CSGALNACT1: variants seen among roughly 807,000 people sequenced by gnomAD.
CSGALNACT1 encodes beta4GalNAcT-1.
In CSGALNACT1, 52 loss-of-function variants were observed where a neutral mutation model predicts 51.0. The ratio of observed to expected loss-of-function variants is 1.02; its 90% CI spans 0.82 to 1.29. The LOEUF is 1.29. Ranked by LOEUF, CSGALNACT1 falls within the 50% of genes most tolerant of loss-of-function variation. The pLI, the probability that CSGALNACT1 is intolerant of heterozygous loss-of-function variation, is 0.00. For missense variants in CSGALNACT1, 935 were observed against 679.2 expected (o/e 1.38, Z -4.19); for synonymous variants, 341 against 254.4 (o/e 1.34, Z -3.24).
At chr8:19,600,877 T>A (rs1464882816) in intron 2 of CSGALNACT1, among the ~76,000 whole-genome samples, 1 of 151,832 alleles carries the variant, frequency 6.6e-6, no homozygotes, top group African/African-American at 2.4e-5. Flanking sequence ...TAGACATTTG[T>A]TAAATGAAGG....
At chr8:19,632,307 C>T (rs999183283) in intron 1 of CSGALNACT1, among the ~76,000 whole-genome samples, 15 of 152,336 alleles carry the variant, frequency 9.8e-5, no homozygotes, top group African/African-American at 3.6e-4. Flanking sequence ...ATTTTACATT[C>T]CAATCCTTAA....
At chr8:19,583,695 C>T (rs969207880) in intron 3 of CSGALNACT1, among the ~76,000 whole-genome samples, 2 of 152,194 alleles carry the variant, frequency 1.3e-5, no homozygotes, top group African/African-American at 4.8e-5. Context: ...CAGGATTATG[C>T]TCATTTTCAA....
intron 1 of CSGALNACT1, among the ~76,000 whole-genome samples, chr8:19,749,367 G>T (rs1308610748): frequency 6.7e-6 from 1 of 149,704 alleles, no homozygotes; most frequent in African/African-American, 2.5e-5. Flanking sequence ...AAAAAAAAAA[G>T]CCTGAATCAA....
chr8:19,730,546 A>G (rs2063634644), intron 1 of CSGALNACT1, among the ~76,000 whole-genome samples: 1 of 152,170 alleles, frequency 6.6e-6, no homozygotes, highest in Non-Finnish European at 1.5e-5. Context: ...GGATAAGCAA[A>G]AAAGTATGTA....
chr8:19,523,643 T>A (rs1360520737), intron 3 of CSGALNACT1, among the ~76,000 whole-genome samples: 1 of 152,114 alleles, frequency 6.6e-6, no homozygotes, highest in African/African-American at 2.4e-5. Context: ...ATTCAGTAAA[T>A]AATGTTATAA....
At chr8:19,514,879 G>C (rs889738974) in intron 3 of CSGALNACT1, among the ~76,000 whole-genome samples, 1 of 151,978 alleles carries the variant, frequency 6.6e-6, no homozygotes, top group Non-Finnish European at 1.5e-5. Flanking sequence ...TTATAATGTA[G>C]TATTATGTAT....
At position 19,667,149 on chromosome 8, in the gene CSGALNACT1, A is replaced by G. The variant is rs548609503; in HGVS notation, c.-544+15324T>C. 4.3e-3 allele frequency among the ~76,000 whole-genome samples: 646 copies of G among 151,938 alleles called. 6 individuals are homozygous for G. The highest frequency in any genetic ancestry group is 7.2e-3 in the Non-Finnish European group (488 of 67,928). On this transcript the variant is annotated intron_variant, in intron 1 of 9. Transcript: ENST00000332246. ...AAAAGACATAATTTCAGCCAGGTGC[A>G]CAGGCTCATGCCTGTAATCCCAGCA...
chr8:19,589,353 T>C (rs2047321357), intron 3 of CSGALNACT1, among the ~76,000 whole-genome samples: 2 of 152,112 alleles, frequency 1.3e-5, no homozygotes, highest in Non-Finnish European at 2.9e-5. Context: ...TGAGATGGAG[T>C]CTTGCTTTGT....
intron 4 of CSGALNACT1, among the ~76,000 whole-genome samples, chr8:19,502,323 T>C (rs2076559039): frequency 6.6e-6 from 1 of 152,152 alleles, no homozygotes; most frequent in African/African-American, 2.4e-5. Context: ...AGAGAACATA[T>C]ATGTTCAGTC....
chr8:19,606,960 C>T (rs999027128), upstream of CSGALNACT1, among the ~76,000 whole-genome samples: 16 of 152,030 alleles, frequency 1.1e-4, no homozygotes, highest in Non-Finnish European at 1.6e-4. Flanking sequence ...TCGAGATCAT[C>T]CTGGCTAATA....
At chr8:19,496,217 G>T (rs2075416829) in intron 4 of CSGALNACT1, among the ~76,000 whole-genome samples, 1 of 152,156 alleles carries the variant, frequency 6.6e-6, no homozygotes, top group Admixed American at 6.5e-5. Context: ...TATGTATCTG[G>T]TAAAAGATAG....
intron 3 of CSGALNACT1, among the ~76,000 whole-genome samples, chr8:19,521,321 G>A (rs546787062): frequency 1.3e-5 from 2 of 152,198 alleles, no homozygotes; most frequent in South Asian, 4.2e-4. Context: ...CTTAAACCCA[G>A]GCTACAGCAC....
intron 3 of CSGALNACT1, among the ~76,000 whole-genome samples, chr8:19,543,493 G>T (rs1288917052): frequency 6.6e-6 from 1 of 152,172 alleles, no homozygotes; most frequent in Non-Finnish European, 1.5e-5. Context: ...TTTACAGTGA[G>T]CCCCTACTTT....
intron 3 of CSGALNACT1, among the ~76,000 whole-genome samples, chr8:19,509,052 T>C (rs1228481479): frequency 6.6e-6 from 1 of 152,174 alleles, no homozygotes; most frequent in African/African-American, 2.4e-5. Context: ...CAAAAAGTCA[T>C]AAGAACTGCT....
At chr8:19,528,682 G>C (rs555991109) in intron 3 of CSGALNACT1, among the ~76,000 whole-genome samples, 1 of 152,082 alleles carries the variant, frequency 6.6e-6, no homozygotes. Context: ...TGTATGATGG[G>C]TTCTCCCTCA....
intron 6 of CSGALNACT1, among the ~76,000 whole-genome samples, chr8:19,439,079 T>A (rs1400744841): frequency 6.6e-6 from 1 of 152,204 alleles, no homozygotes; most frequent in African/African-American, 2.4e-5. Flanking sequence ...CCTGCAAACC[T>A]CCAGGGCAAA....
At chr8:19,499,858 T>A (rs955701994) in intron 4 of CSGALNACT1, among the ~76,000 whole-genome samples, 2 of 152,160 alleles carry the variant, frequency 1.3e-5, no homozygotes, top group African/African-American at 4.8e-5. Context: ...GCTCTTCAGG[T>A]TGCAGGATCC....
At chr8:19,610,871 G>A (rs1403714979) in intron 1 of CSGALNACT1, among the ~76,000 whole-genome samples, 1 of 152,224 alleles carries the variant, frequency 6.6e-6, no homozygotes, top group African/African-American at 2.4e-5. Context: ...AACACAAGCC[G>A]CCTACAGACG....
intron 8 of CSGALNACT1, among the ~76,000 whole-genome samples, chr8:19,409,486 C>T (rs1435589977): frequency 6.8e-6 from 1 of 147,742 alleles, no homozygotes; most frequent in Non-Finnish European, 1.5e-5. Flanking sequence ...TGCATGTGTA[C>T]ATATATATAT....
Sources: gnomAD v4.1 joint callset for allele counts (sites outside exome capture counted in the v4.1 genomes callset) on GRCh38, gnomAD v4.1.1 for gene constraint, MANE v1.5 for transcripts, NCBI Gene and HGNC (gene_info 2026-07-23, HGNC 2026-07-21) for gene names.